RUNDC3B: variants seen among roughly 807,000 people sequenced by gnomAD.
The protein encoded by RUNDC3B is RUN domain-containing protein 3B.
Under a neutral mutation model 58.4 loss-of-function variants are expected in RUNDC3B, and 33 were observed. The ratio of observed to expected loss-of-function variants is 0.56; its 90% CI spans 0.43 to 0.75. RUNDC3B has a LOEUF of 0.75. Among genes scored for constraint, RUNDC3B ranks in the 30% least tolerant of loss-of-function variants. The pLI, the probability that RUNDC3B is intolerant of heterozygous loss-of-function variation, is 0.00. For missense variants in RUNDC3B, 501 were observed against 535.7 expected (o/e 0.94, Z 0.64); for synonymous variants, 193 against 195.2 (o/e 0.99, Z 0.10).
At chr7:87,668,944 A>G (rs1825549689) in intron 2 of RUNDC3B, among the ~76,000 whole-genome samples, 1 of 152,104 alleles carries the variant, frequency 6.6e-6, no homozygotes, top group Admixed American at 6.6e-5. Flanking sequence ...AGAAGAATGT[A>G]TATTCTGGTG....
At chr7:87,679,156 G>A (rs1456490754) in intron 2 of RUNDC3B, among the ~76,000 whole-genome samples, 4 of 136,772 alleles carry the variant, frequency 2.9e-5, no homozygotes, top group Non-Finnish European at 6.1e-5. Context: ...GCAGTGGCGC[G>A]ATCTTGGCTC....
At chr7:87,703,943 G>T (rs1585150577) in intron 3 of RUNDC3B, among the ~76,000 whole-genome samples, 1 of 19,210 alleles carries the variant, frequency 5.2e-5, no homozygotes, top group Non-Finnish European at 9.9e-5. Context: ...TTTTTTTTGA[G>T]ACAGTCTAGT....
intron 9 of RUNDC3B, among the ~76,000 whole-genome samples, chr7:87,812,312 A>G (rs1290181219): frequency 6.6e-6 from 1 of 152,176 alleles, no homozygotes; most frequent in Admixed American, 6.5e-5. Flanking sequence ...TTTAATTTAA[A>G]TTATGTTTAA....
chr7:87,811,447 C>A (rs1171129363), intron 9 of RUNDC3B, among the ~76,000 whole-genome samples: 3 of 152,012 alleles, frequency 2.0e-5, no homozygotes, highest in African/African-American at 7.2e-5. Context: ...GATTCTCCTG[C>A]CTCAGCCTCC....
At chr7:87,750,674 C>G (rs570285948) in intron 6 of RUNDC3B, among the ~76,000 whole-genome samples, 126 of 150,914 alleles carry the variant, frequency 8.3e-4, no homozygotes, top group Non-Finnish European at 1.1e-3. Context: ...GCATAAATGT[C>G]TTCTTTTGAG....
At chr7:87,819,034 C>A (rs1837247046) in intron 10 of RUNDC3B, among the ~76,000 whole-genome samples, 2 of 152,122 alleles carry the variant, frequency 1.3e-5, no homozygotes, top group African/African-American at 4.8e-5. Flanking sequence ...GACCCCTGAC[C>A]CAGCGACAGA....
At chr7:87,660,186 A>G (rs1398872247) in intron 2 of RUNDC3B, among the ~76,000 whole-genome samples, 1 of 151,816 alleles carries the variant, frequency 6.6e-6, no homozygotes, top group Non-Finnish European at 1.5e-5. Flanking sequence ...ATGGTCTATT[A>G]GGTAGCAGTT....
intron 1 of RUNDC3B, among the ~76,000 whole-genome samples, chr7:87,632,994 A>C (rs1351566934): frequency 6.6e-6 from 1 of 152,194 alleles, no homozygotes; most frequent in Non-Finnish European, 1.5e-5. Context: ...CGGTGGAGAC[A>C]AGTGATGATT....
At chr7:87,676,033 C>T (rs1344173423) in intron 2 of RUNDC3B, among the ~76,000 whole-genome samples, 2 of 151,562 alleles carry the variant, frequency 1.3e-5, no homozygotes, top group Non-Finnish European at 2.9e-5. Context: ...TGAGATCTAC[C>T]TGGGCAACAT....
Position 87,811,545 on chromosome 7 carries a change from C to T in RUNDC3B, c.1103+4026C>T, listed in dbSNP as rs1584262445. 2.6e-5 allele frequency among the ~76,000 whole-genome samples: 4 copies of T among 152,244 alleles called. No individual in the cohort carries two copies. The East Asian group carries it at 7.7e-4, about 29-fold the overall frequency. On this transcript the variant is annotated intron_variant, in intron 9 of 10. Coordinates refer to ENST00000394654, the MANE Select transcript of RUNDC3B (RefSeq NM_001134405.2). Reference sequence around the variant, plus strand: ...TAGAGATAGAGTTTCACCATGTTGGCCAGGATGGCCTCGATCTCTTGACCT... The same window carrying T: ...TAGAGATAGAGTTTCACCATGTTGGTCAGGATGGCCTCGATCTCTTGACCT...
At chr7:87,640,372 G>T (rs1161423390) in intron 1 of RUNDC3B, among the ~76,000 whole-genome samples, 1 of 151,670 alleles carries the variant, frequency 6.6e-6, no homozygotes, top group Non-Finnish European at 1.5e-5. Context: ...TTTTTTAGAG[G>T]TTGGGTCTTG....
intron 6 of RUNDC3B, among the ~76,000 whole-genome samples, chr7:87,748,793 G>A (rs1385493256): frequency 6.6e-6 from 1 of 152,086 alleles, no homozygotes; most frequent in Non-Finnish European, 1.5e-5. Context: ...AGCTGAGGAG[G>A]GAAGGTATTT....
chr7:87,782,821 C>T (rs1280235313), intron 8 of RUNDC3B, among the ~76,000 whole-genome samples: 1 of 151,960 alleles, frequency 6.6e-6, no homozygotes, highest in Non-Finnish European at 1.5e-5. Flanking sequence ...CACTGTGGTC[C>T]ACATATATGC....
intron 8 of RUNDC3B, among the ~76,000 whole-genome samples, chr7:87,785,544 G>C (rs1835165520): frequency 1.3e-5 from 2 of 152,172 alleles, no homozygotes; most frequent in Admixed American, 1.3e-4. Flanking sequence ...CAGGTCACTG[G>C]CAAAACACTC....
At chr7:87,800,386 G>A (rs924682016) in intron 8 of RUNDC3B, among the ~76,000 whole-genome samples, 6 of 152,122 alleles carry the variant, frequency 3.9e-5, no homozygotes, top group Non-Finnish European at 8.8e-5. Flanking sequence ...CATTTTCTTT[G>A]TTCACTCACT....
intron 6 of RUNDC3B, among the ~76,000 whole-genome samples, chr7:87,767,983 G>A (rs759577753): frequency 1.1e-4 from 16 of 152,136 alleles, no homozygotes; most frequent in Non-Finnish European, 1.6e-4. Flanking sequence ...TCACCCAGCC[G>A]AAAACAAACA....
At chr7:87,685,585 A>C (rs1827378234) in intron 2 of RUNDC3B, among the ~76,000 whole-genome samples, 1 of 152,196 alleles carries the variant, frequency 6.6e-6, no homozygotes, top group African/African-American at 2.4e-5. Context: ...CAAAACCCTA[A>C]AGATTACGTA....
At chr7:87,756,082 A>G (rs1833355150) in intron 6 of RUNDC3B, among the ~76,000 whole-genome samples, 1 of 152,140 alleles carries the variant, frequency 6.6e-6, no homozygotes, top group Non-Finnish European at 1.5e-5. Flanking sequence ...TATAACTTGT[A>G]AAGATTTAGT....
At chr7:87,742,670 T>C (rs528358897) in intron 6 of RUNDC3B, among the ~76,000 whole-genome samples, 1 of 152,250 alleles carries the variant, frequency 6.6e-6, no homozygotes, top group East Asian at 1.9e-4. Flanking sequence ...GTCTATAATT[T>C]ATCATGCATT....
Sources: gnomAD v4.1 joint callset for allele counts (sites outside exome capture counted in the v4.1 genomes callset) on GRCh38, gnomAD v4.1.1 for gene constraint, MANE v1.5 for transcripts, NCBI Gene and HGNC (gene_info 2026-07-23, HGNC 2026-07-21) for gene names.